RUNDC1: variants seen among roughly 807,000 people sequenced by gnomAD.
RUNDC1 encodes RUN domain containing 1, also known as RUN domain-containing protein 1.
RUNDC1 carries 31 observed loss-of-function variants against 49.3 expected under a neutral mutation model. That is an observed-to-expected ratio of 0.63 (90% confidence interval 0.47 to 0.85). The LOEUF is 0.85. Ranked by LOEUF, RUNDC1 falls within the 40% of genes least tolerant of loss-of-function variation. RUNDC1 has a pLI of 0.00. For missense variants in RUNDC1, 715 were observed against 806.7 expected, an observed-to-expected ratio of 0.89 and a Z score of 1.38; for synonymous variants, 347 against 348.6, an observed-to-expected ratio of 1.00 and a Z score of 0.05.
At position 42,991,863 on chromosome 17, in the gene RUNDC1, T is replaced by G. The variant is rs1014427374; in HGVS notation, c.*147T>G. On this transcript the variant is annotated 3_prime_UTR_variant, in exon 5 of 5. Coordinates refer to ENST00000361677, the MANE Select transcript of RUNDC1 (RefSeq NM_173079.5). ...CAGTCGGCCAAATGAGTGCAAAGTC[T>G]GTTTTCCCCACCAACTTAGCTCTCG... The G allele has an allele frequency of 8.8e-6, 7 of 794,724 alleles. No homozygotes were observed. In the African/African-American group the frequency reaches 1.0e-4, roughly 12 times the overall value. The allele number at this position is 794,724 out of a possible 1,614,324, so 49.2% of individuals were successfully genotyped here. A position where few individuals can be genotyped will look rare whatever the true frequency, so the allele number is the denominator to read the frequency against.
At chr17:42,984,100 G>T (rs1567729632) in intron 1 of RUNDC1, among the ~76,000 whole-genome samples, 1 of 151,876 alleles carries the variant, frequency 6.6e-6, no homozygotes, top group Non-Finnish European at 1.5e-5. Context: ...CTCCCAAGTA[G>T]CTGGGACCAC....
chr17:42,989,660 T>G (rs1188693636), intron 3 of RUNDC1, 121 bp downstream of exon 3: 1 of 853,542 alleles, frequency 1.2e-6, no homozygotes. Context: ...GTGGGGACAG[T>G]GTCTCTCTCT....
At position 42,987,527 on chromosome 17, in the gene RUNDC1, C is replaced by T. The variant is rs143107217; in HGVS notation, c.657+113C>T. On this transcript the variant is annotated intron_variant, in intron 2 of 4. Transcript: ENST00000361677. ...TCTCCTTTGGCCTTACTGAGAATCC[C>T]TCTGCTGGCCCAAATCAAAGGGAAA... 2.6e-4 allele frequency: 245 copies of T among 942,998 alleles called. 1 individual carries two copies. In the African/African-American group the frequency reaches 3.5e-3, roughly 13 times the overall value. The allele number at this position is 942,998 out of a possible 1,614,324, so 58.4% of individuals were successfully genotyped here.
rs1359526770 is a variant in RUNDC1, at chr17:42,993,766, T to A, written c.*2050T>A. On this transcript the variant is annotated 3_prime_UTR_variant, in exon 5 of 5. Coordinates refer to ENST00000361677, the MANE Select transcript of RUNDC1 (RefSeq NM_173079.5). ...GTAGGGGTTTTTTGCCTGAAAAAAT[T>A]CACTAAAAAGTCCCCTTGGCATGAC... is the stretch of plus-strand genomic sequence containing the variant. The A allele has an allele frequency of 6.6e-6, 1 of 152,124 alleles. No individual in the cohort carries two copies. Among genetic ancestry groups the A allele is most frequent in the South Asian group, 2.1e-4 (1 of 4,838 alleles). The allele number at this position is 152,124 out of a possible 1,614,324, so 9.4% of individuals were successfully genotyped here.
chr17:42,986,717 G>A (rs772883268), intron 1 of RUNDC1, among the ~76,000 whole-genome samples: 19 of 151,592 alleles, frequency 1.3e-4, no homozygotes, highest in Non-Finnish European at 2.5e-4. Context: ...TAGCCAGGAT[G>A]GTCAATCTCC....
At chr17:42,981,243 A>G in intron 1 of RUNDC1, 169 bp downstream of exon 1, 1 of 843,682 alleles carries the variant, frequency 1.2e-6, no homozygotes, top group South Asian at 1.9e-5. Context: ...GAAGGGCAAG[A>G]GGACAGAGGC....
In RUNDC1 at chr17:42,994,300, C is replaced by G. The variant is rs1340127868; in HGVS notation, c.*2584C>G. Among the ~76,000 whole-genome samples, 1 of 152,236 alleles carries G rather than the reference C, an allele frequency of 6.6e-6. No homozygotes were observed. Among genetic ancestry groups the G allele is most frequent in the African/African-American group, 2.4e-5 (1 of 41,462 alleles). On this transcript the variant is annotated 3_prime_UTR_variant, in exon 5 of 5. Transcript: ENST00000361677. ...AACTTGTATTAAGGCTTTGTGCTAG[C>G]ATTACAGGAAGCATTTTCATTTGTC...
intron 1 of RUNDC1, among the ~76,000 whole-genome samples, chr17:42,983,375 CTTTTTTTTTTTTTTTT>C (rs1179147349): frequency 7.7e-6 from 1 of 129,554 alleles, no homozygotes; most frequent in Admixed American, 7.8e-5. Flanking sequence ...TTTCTTTTTC[CTTTTTTTTTTTTTTTT>C]TTTTGAGACA....
intron 1 of RUNDC1, among the ~76,000 whole-genome samples, chr17:42,983,269 A>G (rs1333155586): frequency 1.3e-5 from 2 of 149,506 alleles, no homozygotes; most frequent in Non-Finnish European, 3.0e-5. Flanking sequence ...GTAATCTTGT[A>G]TTTATACATT....
In RUNDC1 at chr17:42,991,360, C is replaced by G. The variant is rs1156897611; in HGVS notation, c.1486C>G (p.Leu496Val). The G allele has an allele frequency of 6.2e-7, 1 of 1,614,226 alleles. No homozygotes were observed. Among genetic ancestry groups the G allele is most frequent in the Admixed American group, 1.7e-5 (1 of 60,026 alleles). Residue 496 changes from leucine to valine, a missense_variant, in exon 5 of 5, where the codon CTC becomes GTC. Transcript: ENST00000361677. The part of the protein sequence containing the change: ...RAYVESPARK[L>V]SQSFALPVTG... Reference sequence around the variant, plus strand: ...TTATGTGGAATCCCCAGCCCGGAAGCTCTCCCAGTCCTTCGCCCTTCCTGT... The same window carrying G: ...TTATGTGGAATCCCCAGCCCGGAAGGTCTCCCAGTCCTTCGCCCTTCCTGT...
intron 4 of RUNDC1, 114 bp downstream of exon 4, chr17:42,990,550 G>T (rs2050225161): frequency 1.8e-6 from 2 of 1,120,106 alleles, no homozygotes; most frequent in Non-Finnish European, 2.5e-6. Context: ...TGATGGTATG[G>T]ATTTGCTTTT....
At chr17:42,989,270 T>C in intron 2 of RUNDC1, 71 bp from the exon 3 acceptor site, 1 of 1,186,880 alleles carries the variant, frequency 8.4e-7, no homozygotes, top group South Asian at 1.3e-5. Flanking sequence ...AGAAGACATT[T>C]TTAGATTCTC....
chr17:42,986,418 G>GT (rs2050171942), intron 1 of RUNDC1, among the ~76,000 whole-genome samples: 1 of 152,098 alleles, frequency 6.6e-6, no homozygotes, highest in Admixed American at 6.6e-5. Flanking sequence ...CTCCTGGTGC[G>GT]TTTGATTCTT....
chr17:42,980,954 C>G lies in RUNDC1; in HGVS notation c.378C>G (p.Leu126=), dbSNP rs1045742351. The G allele has an allele frequency of 4.2e-5, 65 of 1,541,472 alleles. No individual in the cohort carries two copies. The highest frequency in any genetic ancestry group is 9.6e-5 in the African/African-American group (7 of 73,138). The change falls in exon 1 of 5, where the codon CTC becomes CTG. Residue 126 remains leucine, a synonymous_variant. Coordinates refer to ENST00000361677, the MANE Select transcript of RUNDC1 (RefSeq NM_173079.5). ...PAEQQRLLRE[L]EDFAFRGCPH... ...AGCAGCAGCGCCTTCTGCGGGAGCTCGAAGACTTCGCCTTCCGCGGCTGCC... is the reference window on the plus strand; with the variant it reads ...AGCAGCAGCGCCTTCTGCGGGAGCTGGAAGACTTCGCCTTCCGCGGCTGCC...
chr17:42,981,146 A>C, intron 1 of RUNDC1, 72 bp downstream of exon 1: 2 of 1,464,528 alleles, frequency 1.4e-6, no homozygotes, highest in African/African-American at 2.9e-5. Context: ...CCAGACCCGG[A>C]TGATGGTGCA....
intron 3 of RUNDC1, 142 bp from the exon 4 acceptor site, chr17:42,990,175 C>A: frequency 9.5e-7 from 1 of 1,053,564 alleles, no homozygotes; most frequent in Non-Finnish European, 1.3e-6. Flanking sequence ...CTACTGTATG[C>A]CAGTCCTCAT....
At chr17:42,986,890 A>T (rs558899142) in intron 1 of RUNDC1, among the ~76,000 whole-genome samples, 1 of 152,188 alleles carries the variant, frequency 6.6e-6, no homozygotes, top group South Asian at 2.1e-4. Context: ...GAGTTGTGTT[A>T]TGGTAACTGG....
chr17:42,981,132 C>G (rs1168684049), intron 1 of RUNDC1, 58 bp downstream of exon 1: 2 of 1,493,102 alleles, frequency 1.3e-6, no homozygotes, highest in African/African-American at 2.9e-5. Context: ...GTGTGGGTGG[C>G]GATCCAGACC....
chr17:42,991,983 G>C lies in RUNDC1; in HGVS notation c.*267G>C, dbSNP rs1483915111. The C allele has an allele frequency of 1.2e-5, 5 of 404,150 alleles. No homozygotes were observed. Among genetic ancestry groups the C allele is most frequent in the Non-Finnish European group, 2.3e-5 (5 of 217,730 alleles). 25.0% of individuals were successfully genotyped at this position (404,150 alleles called of 1,614,324 possible). Reference sequence around the variant, plus strand: ...TAATCCCAGCACTTTGGGAGGCCGAGGCGGGCGGATCACAAGGTCAGGAGT... The same window carrying C: ...TAATCCCAGCACTTTGGGAGGCCGACGCGGGCGGATCACAAGGTCAGGAGT... On this transcript the variant is annotated 3_prime_UTR_variant, in exon 5 of 5. Coordinates refer to ENST00000361677, the MANE Select transcript of RUNDC1 (RefSeq NM_173079.5).
Sources: allele counts gnomAD v4.1 joint callset (sites outside exome capture counted in the v4.1 genomes callset), GRCh38; gene constraint gnomAD v4.1.1; transcripts MANE v1.5; gene names NCBI Gene and HGNC (gene_info 2026-07-23, HGNC 2026-07-21).